Variants in SREK1 observed in about 807,000 individuals in gnomAD.
SREK1 encodes splicing regulatory glutamine/lysine-rich protein 1.
In SREK1, 13 loss-of-function variants were observed where a neutral mutation model predicts 66.5. The observed-to-expected ratio is 0.20, with a 90% CI of 0.13 to 0.31. SREK1 has a LOEUF of 0.31. Ranked by LOEUF, SREK1 falls within the 10% of genes least tolerant of loss-of-function variation. SREK1 has a pLI of 1.00. For missense variants in SREK1, 607 were observed against 769.6 expected, an observed-to-expected ratio of 0.79 and a Z score of 2.50; for synonymous variants, 265 against 263.5, an observed-to-expected ratio of 1.01 and a Z score of -0.05.
intron 7 of SREK1, chr5:66,166,368 T>C (rs970276559): frequency 1.3e-5 from 2 of 152,248 alleles, no homozygotes; most frequent in African/African-American, 4.8e-5. Context: ...AAAATTGTTG[T>C]TTCTTTGATC....
chr5:66,166,112 A>G (rs1299587315), intron 7 of SREK1: 2 of 152,314 alleles, frequency 1.3e-5, no homozygotes, highest in Non-Finnish European at 2.9e-5. Context: ...AAGGCAGTGC[A>G]GCAGAGGCCA....
chr5:66,151,612 A>G (rs1205032808), intron 1 of SREK1, among the ~76,000 whole-genome samples: 2 of 152,144 alleles, frequency 1.3e-5, no homozygotes, highest in Admixed American at 6.5e-5. Context: ...AGGCACTTGT[A>G]CCTGGGAGTC....
chr5:66,164,754 T>A (rs1745037269), intron 6 of SREK1, 29 bp from the exon 7 acceptor site: 1 of 1,613,672 alleles, frequency 6.2e-7, no homozygotes, highest in South Asian at 1.1e-5. Context: ...GTTCTGAGCT[T>A]ACACTGCAAA....
At chr5:66,177,132 TTTGA>T (rs1179730063) in intron 10 of SREK1, among the ~76,000 whole-genome samples, 1 of 152,178 alleles carries the variant, frequency 6.6e-6, no homozygotes, top group African/African-American at 2.4e-5. Context: ...TGACCAATCA[TTTGA>T]TTGTCTTTCC....
intron 1 of SREK1, chr5:66,144,757 A>G (rs1020385105): frequency 2.4e-5 from 30 of 1,245,564 alleles, no homozygotes; most frequent in Non-Finnish European, 3.0e-5. Context: ...CTTACCAAGG[A>G]TTTAGAATGG....
At chr5:66,163,729 T>C in intron 5 of SREK1, 63 bp from the exon 6 acceptor site, 1 of 1,525,892 alleles carries the variant, frequency 6.6e-7, no homozygotes, top group South Asian at 1.2e-5. Context: ...ATCATATAAA[T>C]GTTTGTTTCA....
Position 66,159,280 on chromosome 5 carries a change from T to C in SREK1, c.357T>C (p.Ser119=), listed in dbSNP as rs777650711. Residue 119 remains serine, a synonymous_variant, in exon 3 of 12, where the codon AGT becomes AGC. Transcript: ENST00000334121. ...TGGCTCCTGCTCCAACCATGACAAG[T>C]CTGATGCCTGGTGCAGGATTGCTTC... ...SLLAPAPTMT[S]LMPGAGLLPI... 11 of 1,613,782 alleles carry C rather than the reference T, an allele frequency of 6.8e-6. No individual in the cohort carries two copies. The South Asian group carries it at 1.2e-4, about 18-fold the overall frequency.
intron 9 of SREK1, 133 bp from the exon 10 acceptor site, chr5:66,174,813 G>T: frequency 2.8e-6 from 2 of 702,854 alleles, no homozygotes; most frequent in Admixed American, 3.0e-5. Flanking sequence ...TGCTCATAAA[G>T]GACATAAGTT....
chr5:66,171,225 A>T (rs1414647571), intron 9 of SREK1, among the ~76,000 whole-genome samples: 1 of 152,180 alleles, frequency 6.6e-6, no homozygotes, highest in East Asian at 1.9e-4. Flanking sequence ...ATGGCAGGGA[A>T]AGGTACTTTT....
intron 1 of SREK1, among the ~76,000 whole-genome samples, chr5:66,146,091 C>T (rs1250449509): frequency 6.6e-6 from 1 of 151,912 alleles, no homozygotes. Context: ...ATTGATTAAC[C>T]GTGGCATTAT....
rs371421903 is a variant in SREK1, at chr5:66,179,114, A to G, written c.*246A>G. 4 of 304,496 alleles carry G rather than the reference A, an allele frequency of 1.3e-5. No homozygotes were observed. Among genetic ancestry groups the G allele is most frequent in the East Asian group, 5.3e-5 (1 of 18,908 alleles). 18.9% of individuals were successfully genotyped at this position (304,496 alleles called of 1,614,324 possible). A position where few individuals can be genotyped will look rare whatever the true frequency, so the allele number is the denominator to read the frequency against. The stretch of plus-strand genomic sequence containing the variant: ...AATCTGTGCATTTCCATGGTGGCTG[A>G]CACACTTGTCATGTGGTCTGTTAGT... On this transcript the variant is annotated 3_prime_UTR_variant, in exon 12 of 12. Coordinates refer to ENST00000334121, the MANE Select transcript of SREK1 (RefSeq NM_001077199.3).
At chr5:66,146,749 G>A (rs1743241232) in intron 1 of SREK1, among the ~76,000 whole-genome samples, 1 of 152,114 alleles carries the variant, frequency 6.6e-6, no homozygotes, top group Admixed American at 6.5e-5. Context: ...TGCAATAGTA[G>A]TAGTTGTATT....
At chr5:66,173,576 A>G (rs116201215) in intron 9 of SREK1, among the ~76,000 whole-genome samples, 1 of 152,172 alleles carries the variant, frequency 6.6e-6, no homozygotes, top group Non-Finnish European at 1.5e-5. Context: ...TTGTTAATAC[A>G]ATTTCTTTCT....
At chr5:66,149,349 C>CAA (rs59361484) in intron 1 of SREK1, among the ~76,000 whole-genome samples, 66 of 142,308 alleles carry the variant, frequency 4.6e-4, no homozygotes, top group African/African-American at 1.1e-3. Flanking sequence ...AACTCTGTCT[C>CAA]AAAAAAAAAA....
chr5:66,157,356 T>C, intron 2 of SREK1: 1 of 983,754 alleles, frequency 1.0e-6, no homozygotes, highest in Non-Finnish European at 1.2e-6. Flanking sequence ...TAGGTAGTTT[T>C]ACTTATTAAA....
chr5:66,163,823 C>A lies in SREK1; in HGVS notation c.787C>A (p.Pro263Thr). 6.2e-7 allele frequency: 1 copy of A among 1,613,338 alleles called. No homozygotes were observed. ...INHSNNAIVK[P>T]PEMTPQAAAK... ...TCACTCCAACAATGCAATAGTAAAA[C>A]CCCCTGAGATGACACCTCAGGCTGC... is the stretch of plus-strand genomic sequence containing the variant. Residue 263 changes from proline to threonine, a missense_variant, in exon 6 of 12, where the codon CCC (proline) becomes ACC (threonine). Around this residue, in one of 5 missense-constraint regions of SREK1, gnomAD observed 112 missense variants for 168.6 expected, o/e 0.66. Coordinates refer to ENST00000334121, the MANE Select transcript of SREK1 (RefSeq NM_001077199.3).
chr5:66,167,624 C>T (rs1745282814), intron 7 of SREK1: 1 of 152,162 alleles, frequency 6.6e-6, no homozygotes, highest in South Asian at 2.1e-4. Context: ...AAATATTTAA[C>T]GTCACAGTTA....
Position 66,170,653 on chromosome 5 carries a change from AGG to A in SREK1, c.1191_1192del (p.Arg401GlyfsTer5). ...AGAGTGAAAGAGAAAGACAGGGAAAAGGAGAGAGAGAGGGAAAAGGAACGTGA... is the reference window on the plus strand; with the variant it reads ...AGAGTGAAAGAGAAAGACAGGGAAAAAGAGAGAGAGGGAAAAGGAACGTGA... On this transcript the variant is annotated frameshift_variant, in exon 9 of 12. Transcript: ENST00000334121. LOFTEE classifies it high-confidence loss of function. 6.2e-7 allele frequency: 1 copy of A among 1,613,626 alleles called. No homozygotes were observed. Among genetic ancestry groups the A allele is most frequent in the Non-Finnish European group, 8.5e-7 (1 of 1,179,868 alleles).
At chr5:66,163,717 G>A (rs1744949382) in intron 5 of SREK1, 75 bp from the exon 6 acceptor site, 2 of 1,460,778 alleles carry the variant, frequency 1.4e-6, no homozygotes, top group Non-Finnish European at 1.9e-6. Context: ...ATAAATATGT[G>A]TATCATATAA....
Sources: gnomAD v4.1 joint callset for allele counts (sites outside exome capture counted in the v4.1 genomes callset) on GRCh38, gnomAD v4.1.1 for gene constraint, gnomAD v4.1.1 regional missense constraint, MANE v1.5 for transcripts, NCBI Gene and HGNC (gene_info 2026-07-23, HGNC 2026-07-21) for gene names.